GCNT2: variants seen among roughly 807,000 people sequenced by gnomAD.
GCNT2 encodes the protein N-acetyllactosaminide beta-1,6-N-acetylglucosaminyl-transferase.
GCNT2 carries 34 observed loss-of-function variants against 34.2 expected under a neutral mutation model. The observed-to-expected ratio is 1.00, with a 90% CI of 0.76 to 1.32. GCNT2 has a LOEUF of 1.32. GCNT2 is among the 40% of genes most tolerant of loss of function. GCNT2 has a pLI of 0.00. For missense variants in GCNT2, 584 were observed against 489.4 expected, an observed-to-expected ratio of 1.19 and a Z score of -1.82; for synonymous variants, 212 against 188.0, an observed-to-expected ratio of 1.13 and a Z score of -1.04.
chr6:10,587,280 C>A (rs74499192), intron 3 of GCNT2, among the ~76,000 whole-genome samples: 3 of 152,200 alleles, frequency 2.0e-5, no homozygotes, highest in African/African-American at 7.2e-5. Context: ...ATGTTTCTTT[C>A]GGACGGATGT....
At chr6:10,617,865 C>T (rs1408878228) in intron 3 of GCNT2, among the ~76,000 whole-genome samples, 1 of 150,430 alleles carries the variant, frequency 6.6e-6, no homozygotes, top group East Asian at 2.0e-4. Context: ...AACAATTCTT[C>T]TGCCTCAGCC....
Position 10,596,964 on chromosome 6 carries a change from C to T in GCNT2, c.926-24387C>T, listed in dbSNP as rs1764880457. Among the ~76,000 whole-genome samples the T allele has an allele frequency of 2.6e-5, 4 of 152,030 alleles. No homozygotes were observed. The South Asian group carries it at 6.2e-4, about 24-fold the overall frequency. The stretch of plus-strand genomic sequence containing the variant: ...TTGCATGAGGTCTTTGATCTTGCAG[C>T]GTGATGTGGATGAAAGAATACAAAC... On this transcript the variant is annotated intron_variant, in intron 3 of 4. Coordinates refer to ENST00000495262, the MANE Select transcript of GCNT2 (RefSeq NM_145649.5).
At chr6:10,602,698 C>T (rs938891180) in intron 3 of GCNT2, among the ~76,000 whole-genome samples, 19 of 152,028 alleles carry the variant, frequency 1.2e-4, no homozygotes, top group Admixed American at 1.0e-3. Flanking sequence ...CTTGGCTGCT[C>T]GTACATGGAA....
intron 3 of GCNT2, among the ~76,000 whole-genome samples, chr6:10,598,391 A>T (rs1235530828): frequency 6.6e-6 from 1 of 152,140 alleles, no homozygotes; most frequent in East Asian, 1.9e-4. Flanking sequence ...TCTCCACGGT[A>T]TATTAATGTC....
chr6:10,597,782 C>T (rs1218570319), intron 3 of GCNT2, among the ~76,000 whole-genome samples: 2 of 152,060 alleles, frequency 1.3e-5, no homozygotes, highest in African/African-American at 4.8e-5. Context: ...TGTTGATGAC[C>T]CCAGAAGACA....
At chr6:10,585,919 T>C in intron 3 of GCNT2, 1 of 1,598,000 alleles carries the variant, frequency 6.3e-7, no homozygotes, top group South Asian at 1.1e-5. Flanking sequence ...GAGAAGCAAA[T>C]TCAACCTCTC....
At position 10,561,594 on chromosome 6, in the gene GCNT2, C is replaced by T. The variant is rs111586782; in HGVS notation, c.925+31758C>T. Among the ~76,000 whole-genome samples, 204 of 152,346 alleles carry T rather than the reference C, an allele frequency of 1.3e-3. 1 individual carries two copies. The highest frequency in any genetic ancestry group is 4.5e-3 in the African/African-American group (189 of 41,588). On this transcript the variant is annotated intron_variant, in intron 3 of 4. Transcript: ENST00000495262. ...TGGTTGATCTTCTTCCCAGTCCATTCCCATGGCTAGAATGTCTTCTTACAC... is the reference window on the plus strand; with the variant it reads ...TGGTTGATCTTCTTCCCAGTCCATTTCCATGGCTAGAATGTCTTCTTACAC...
At chr6:10,569,235 C>CCACACACACACACACACACACACACA (rs373362957) in intron 3 of GCNT2, among the ~76,000 whole-genome samples, 702 of 47,452 alleles carry the variant, frequency 0.015, 30 homozygotes, top group Non-Finnish European at 0.02. Flanking sequence ...ACTCCCCCCG[C>CCACACACACACACACACACACACACA]CACACACACA....
At chr6:10,624,926 C>T (rs1472461167) in intron 4 of GCNT2, among the ~76,000 whole-genome samples, 3 of 152,180 alleles carry the variant, frequency 2.0e-5, no homozygotes, top group Admixed American at 2.0e-4. Context: ...TTGAAGACAT[C>T]GAGTTGTCTA....
intron 3 of GCNT2, among the ~76,000 whole-genome samples, chr6:10,611,424 G>A (rs1394545176): frequency 2.7e-5 from 4 of 150,552 alleles, no homozygotes; most frequent in Non-Finnish European, 4.4e-5. Flanking sequence ...TCCGCCTCCC[G>A]GATTCAAGCA....
At chr6:10,624,924 A>C (rs541548112) in intron 4 of GCNT2, among the ~76,000 whole-genome samples, 1 of 152,150 alleles carries the variant, frequency 6.6e-6, no homozygotes. Flanking sequence ...TCTTGAAGAC[A>C]TCGAGTTGTC....
At chr6:10,610,415 G>C (rs1349022170) in intron 3 of GCNT2, among the ~76,000 whole-genome samples, 2 of 152,162 alleles carry the variant, frequency 1.3e-5, no homozygotes, top group Non-Finnish European at 2.9e-5. Flanking sequence ...AAGAGTGTTT[G>C]ACAAGAGCTA....
intron 3 of GCNT2, among the ~76,000 whole-genome samples, chr6:10,581,414 G>A (rs544773386): frequency 1.2e-4 from 18 of 152,190 alleles, no homozygotes; most frequent in African/African-American, 4.1e-4. Flanking sequence ...GGGATTACAG[G>A]CATGCACCAC....
intron 3 of GCNT2, among the ~76,000 whole-genome samples, chr6:10,582,381 A>G (rs1764144051): frequency 1.7e-5 from 2 of 119,036 alleles, no homozygotes; most frequent in South Asian, 4.5e-4. Context: ...CTATAATTTA[A>G]TATTTATTAT....
chr6:10,550,147 G>A (rs933473455), intron 3 of GCNT2, among the ~76,000 whole-genome samples: 3 of 152,140 alleles, frequency 2.0e-5, no homozygotes, highest in South Asian at 2.1e-4. Context: ...TCTGCTTCCC[G>A]GGTTCAAGTA....
At chr6:10,602,304 G>A (rs953919757) in intron 3 of GCNT2, among the ~76,000 whole-genome samples, 4 of 152,052 alleles carry the variant, frequency 2.6e-5, no homozygotes, top group African/African-American at 9.7e-5. Flanking sequence ...ACCCCACAAG[G>A]GCTCCTTCCC....
At chr6:10,553,582 T>C (rs571715708) in intron 3 of GCNT2, among the ~76,000 whole-genome samples, 3 of 152,308 alleles carry the variant, frequency 2.0e-5, no homozygotes, top group East Asian at 1.9e-4. Context: ...GTTCTACATA[T>C]CATCCTAAGT....
chr6:10,623,361 G>A (rs531529730), intron 4 of GCNT2, among the ~76,000 whole-genome samples: 2 of 150,100 alleles, frequency 1.3e-5, no homozygotes, highest in Non-Finnish European at 3.0e-5. Flanking sequence ...GCACAATCTC[G>A]GCTCACTGGA....
chr6:10,551,469 G>A (rs1231018268), intron 3 of GCNT2, among the ~76,000 whole-genome samples: 1 of 146,028 alleles, frequency 6.8e-6, no homozygotes, highest in African/African-American at 2.5e-5. Flanking sequence ...TTTTTGAGAT[G>A]GAGTCTCGCT....
Sources: gnomAD v4.1 joint callset for allele counts (sites outside exome capture counted in the v4.1 genomes callset) on GRCh38, gnomAD v4.1.1 for gene constraint, MANE v1.5 for transcripts, NCBI Gene and HGNC (gene_info 2026-07-23, HGNC 2026-07-21) for gene names.